Variants in LCN8 observed in about 807,000 individuals in gnomAD.
LCN8 encodes lipocalin 8.
LCN8 carries 16 observed loss-of-function variants against 22.8 expected under a neutral mutation model. That is an observed-to-expected ratio of 0.70 (90% CI 0.47 to 1.06). The LOEUF is 1.06. LCN8 is among the 50% of genes least tolerant of loss of function. The probability of loss-of-function intolerance (pLI) is 0.00; values close to 1 mark genes in which losing one functional copy is unlikely to be tolerated. For missense variants in LCN8, 189 were observed against 203.3 expected (o/e 0.93, Z 0.43); for synonymous variants, 92 against 83.4 (o/e 1.10, Z -0.56).
chr9:136,755,082 G>T, intron 6 of LCN8, 53 bp downstream of exon 6: 2 of 1,468,362 alleles, frequency 1.4e-6, no homozygotes, highest in East Asian at 2.5e-5. Flanking sequence ...GCCAGGGACT[G>T]GGCCAGGGGC....
At chr9:136,758,519 G>A, upstream of LCN8, 1 of 990,516 alleles carries the variant, frequency 1.0e-6, no homozygotes, top group Non-Finnish European at 1.2e-6. Flanking sequence ...GTGACAGTGG[G>A]GAGGGCCTCT....
Position 136,754,522 on chromosome 9 carries a change from A to C in LCN8, c.448-13T>G. 1 of 1,552,246 alleles carries C rather than the reference A, an allele frequency of 6.4e-7. No homozygotes were observed. The highest frequency in any genetic ancestry group is 2.4e-5 in the East Asian group (1 of 41,556). ...ATTAAATCAGCTCCTGCGACACAGAAGTGCAGGGGCTCAGGCCCGTGTGGT... is the reference window on the plus strand; with the variant it reads ...ATTAAATCAGCTCCTGCGACACAGACGTGCAGGGGCTCAGGCCCGTGTGGT... On this transcript the variant is annotated splice_polypyrimidine_tract_variant and intron_variant, in intron 6 of 6. Transcript: ENST00000371688.
chr9:136,755,376 C>A (rs199682913), intron 4 of LCN8, 36 bp downstream of exon 4: 1 of 1,610,776 alleles, frequency 6.2e-7, no homozygotes, highest in East Asian at 2.2e-5. Flanking sequence ...CCTGGGAGAG[C>A]AGCAGCTGGG....
At chr9:136,756,138 G>T in intron 3 of LCN8, 7 of 913,086 alleles carry the variant, frequency 7.7e-6, no homozygotes, top group Non-Finnish European at 1.0e-5. Flanking sequence ...GCAGGGAACA[G>T]CATGTGGAAC....
Position 136,754,475 on chromosome 9 carries a change from T to G in LCN8, c.*23A>C. 1 of 1,557,186 alleles carries G rather than the reference T, an allele frequency of 6.4e-7. No homozygotes were observed. Among genetic ancestry groups the G allele is most frequent in the Non-Finnish European group, 8.7e-7 (1 of 1,150,066 alleles). ...AGGGGTGGGCGGGCGCTCCGAACCT[T>G]GTGGTCTGAGGCAGGAACTCCATTA... is the stretch of plus-strand genomic sequence containing the variant. On this transcript the variant is annotated 3_prime_UTR_variant, in exon 7 of 7. Transcript: ENST00000371688.
At chr9:136,754,999 G>A in intron 6 of LCN8, 136 bp downstream of exon 6, 1 of 1,431,890 alleles carries the variant, frequency 7.0e-7, no homozygotes, top group Non-Finnish European at 9.1e-7. Context: ...GGTGTTTGGT[G>A]TCCTGTTCAC....
Position 136,754,762 on chromosome 9 carries a change from G to T in LCN8, c.448-253C>A, listed in dbSNP as rs1438915105. ...GGGAGCCCTGAGGCAGCGCCCGCAG[G>T]ATCTGTGCCCCGCCGCCGACGGGAC... On this transcript the variant is annotated intron_variant, in intron 6 of 6. Transcript: ENST00000371688. 4 of 1,383,226 alleles carry T rather than the reference G, an allele frequency of 2.9e-6. No homozygotes were observed. In the African/African-American group the frequency reaches 5.9e-5, roughly 20 times the overall value. The allele number at this position is 1,383,226 out of a possible 1,614,324, so 85.7% of individuals were successfully genotyped here.
At chr9:136,756,974 C>A in intron 2 of LCN8, 64 bp downstream of exon 2, 1 of 1,564,902 alleles carries the variant, frequency 6.4e-7, no homozygotes, top group Non-Finnish European at 8.7e-7. Flanking sequence ...GCGGGTGCAG[C>A]AACCCACGCC....
rs1244334706 is a variant in LCN8, at chr9:136,757,070, C to G, written c.123G>C (p.Gly41=). The G allele has an allele frequency of 6.2e-7, 1 of 1,613,340 alleles. No individual in the cohort carries two copies. The highest frequency in any genetic ancestry group is 1.7e-5 in the Admixed American group (1 of 59,946). ...RVEGLFLTLS[G]SNLTVKVAYN... Reference sequence around the variant, plus strand: ...ATGCAACCTTCACGGTCAGGTTACTCCCGCTCAAGGTGAGGAACAAGCCCT... The same window carrying G: ...ATGCAACCTTCACGGTCAGGTTACTGCCGCTCAAGGTGAGGAACAAGCCCT... Residue 41 remains glycine, a synonymous_variant, in exon 2 of 7, where the codon GGG becomes GGC. Transcript: ENST00000371688.
rs116938872 is a variant in LCN8 at position 136,757,830 on chromosome 9, C to T, written c.24+77G>A. ...CAGCGTCCCCACGAGCTCCCCACAC[C>T]GGGAGAGGCCTCCTTCCCTGAGCCT... On this transcript the variant is annotated intron_variant, in intron 1 of 6. Coordinates refer to ENST00000371688, the MANE Select transcript of LCN8 (RefSeq NM_178469.4). The T allele has an allele frequency of 4.7e-3, 7,523 of 1,612,122 alleles. 24 individuals carry two copies. The highest frequency in any genetic ancestry group is 5.3e-3 in the Non-Finnish European group (6,219 of 1,178,780).
intron 1 of LCN8, 184 bp from the exon 2 acceptor site, chr9:136,757,352 G>T (rs146600206): frequency 1.4e-6 from 2 of 1,438,252 alleles, no homozygotes; most frequent in East Asian, 5.0e-5. Flanking sequence ...CCCTCCAAGC[G>T]GTGCCTTCAG....
In LCN8 at chr9:136,755,158, G is replaced by A. The variant is rs1321141761; in HGVS notation, c.424C>T (p.Arg142Trp). Residue 142 changes from arginine (R) to tryptophan (W), a missense_variant and splice_region_variant, in exon 6 of 7, where the codon CGG becomes TGG. Coordinates refer to ENST00000371688, the MANE Select transcript of LCN8 (RefSeq NM_178469.4). The stretch of plus-strand genomic sequence containing the variant: ...ACCTCCTTCAGGAGCTCGGCACACC[G>A]CCCTGCAGGATAGGCCAGCATGAGG... ...TGLYLAARPGRCAELLKEELI is the reference protein window; with the variant it reads ...TGLYLAARPGWCAELLKEELI 14 of 1,596,868 alleles carry A rather than the reference G, an allele frequency of 8.8e-6. No individual in the cohort carries two copies. Among genetic ancestry groups the A allele is most frequent in the African/African-American group, 1.3e-5 (1 of 74,686 alleles).
At chr9:136,756,463 A>G (rs920002251) in intron 3 of LCN8, 59 bp downstream of exon 3, 9 of 1,613,726 alleles carry the variant, frequency 5.6e-6, no homozygotes, top group Non-Finnish European at 7.6e-6. Flanking sequence ...GGGGAACAAT[A>G]AGGCCTAGCT....
chr9:136,756,989 C>G (rs1328041363), intron 2 of LCN8, 49 bp downstream of exon 2: 2 of 1,596,030 alleles, frequency 1.3e-6, no homozygotes, highest in South Asian at 2.2e-5. Context: ...CACGCCCAGT[C>G]CCCGGCCATG....
At chr9:136,758,303 G>C (rs1037443993), upstream of LCN8, 1 of 1,174,858 alleles carries the variant, frequency 8.5e-7, no homozygotes, top group Non-Finnish European at 1.1e-6. Context: ...CCTGGGGCTC[G>C]GTGACCCCCA....
intron 6 of LCN8, chr9:136,754,822 G>A (rs1452862257): frequency 1.1e-5 from 15 of 1,349,016 alleles, no homozygotes; most frequent in Admixed American, 1.0e-4. Context: ...GTCCTGCACA[G>A]AACACCGAAG....
chr9:136,755,386 GCAGAGCCCCCCAGGGC>G lies in LCN8; in HGVS notation c.331+10_331+25del. Reference sequence around the variant, plus strand: ...CAGTCCCTGGGAGAGCAGCAGCTGGGCAGAGCCCCCCAGGGCCAAGCTTACTAAAGTACTTGAGGAC... The same window carrying G: ...CAGTCCCTGGGAGAGCAGCAGCTGGGCAAGCTTACTAAAGTACTTGAGGAC... On this transcript the variant is annotated intron_variant, in intron 4 of 6. Transcript: ENST00000371688. 6.2e-7 allele frequency: 1 copy of G among 1,610,912 alleles called. No homozygotes were observed. Among genetic ancestry groups the G allele is most frequent in the Non-Finnish European group, 8.5e-7 (1 of 1,179,944 alleles).
chr9:136,757,712 T>G, intron 1 of LCN8, 195 bp downstream of exon 1: 1 of 985,396 alleles, frequency 1.0e-6, no homozygotes, highest in Non-Finnish European at 1.2e-6. Flanking sequence ...GCATCTACCT[T>G]CTCTGGGCCT....
chr9:136,754,504 C>G lies in LCN8; in HGVS notation c.453G>C (p.Leu151=), dbSNP rs1375434604. Residue 151 remains leucine (L), a synonymous_variant, in exon 7 of 7, where the codon CTG becomes CTC. Transcript: ENST00000371688. Reference sequence around the variant, plus strand: ...GTCTGAGGCAGGAACTCCATTAAATCAGCTCCTGCGACACAGAAGTGCAGG... The same window carrying G: ...GTCTGAGGCAGGAACTCCATTAAATGAGCTCCTGCGACACAGAAGTGCAGG... ...GRCAELLKEE[L]I 5.1e-6 allele frequency: 8 copies of G among 1,555,336 alleles called. No homozygotes were observed. The highest frequency in any genetic ancestry group is 7.0e-6 in the Non-Finnish European group (8 of 1,149,110).
Sources: gnomAD v4.1 joint callset for allele counts on GRCh38, gnomAD v4.1.1 for gene constraint, MANE v1.5 for transcripts, NCBI Gene and HGNC (gene_info 2026-07-23, HGNC 2026-07-21) for gene names.